The following KALRN variants were observed in gnomAD, a reference collection of about 807,000 sequenced individuals.
The protein encoded by KALRN is kalirin RhoGEF kinase.
Under a neutral mutation model 353.7 loss-of-function variants are expected in KALRN, and 70 were observed. The ratio of observed to expected loss-of-function variants is 0.20; its 90% CI spans 0.16 to 0.24. The LOEUF (loss-of-function observed/expected upper bound fraction) is 0.24, where lower values mean the gene tolerates loss of function less well. KALRN is among the 10% of genes least tolerant of loss of function. KALRN has a pLI of 1.00. For missense variants in KALRN, 2,791 were observed against 3,756.7 expected, an observed-to-expected ratio of 0.74 and a Z score of 6.72; for synonymous variants, 1,391 against 1,434.8, an observed-to-expected ratio of 0.97 and a Z score of 0.69.
At chr3:124,634,604 T>C (rs752723418) in intron 36 of KALRN, among the ~76,000 whole-genome samples, 4 of 152,176 alleles carry the variant, frequency 2.6e-5, no homozygotes, top group Non-Finnish European at 4.4e-5. Context: ...GAAGCGTAGG[T>C]TAGACGTGCT....
chr3:124,457,062 T>A (rs1335878365), intron 23 of KALRN, among the ~76,000 whole-genome samples: 1 of 73,924 alleles, frequency 1.4e-5, no homozygotes, highest in East Asian at 1.2e-3. Context: ...TGCCTTCTGA[T>A]TTTTTTTTTA....
At chr3:124,683,131 G>T (rs935007574) in intron 51 of KALRN, among the ~76,000 whole-genome samples, 2 of 152,200 alleles carry the variant, frequency 1.3e-5, no homozygotes, top group African/African-American at 4.8e-5. Flanking sequence ...CTACATGGAA[G>T]AAGAGTCAAA....
At chr3:124,069,709 A>G (rs918663336) in intron 1 of KALRN, among the ~76,000 whole-genome samples, 4 of 152,236 alleles carry the variant, frequency 2.6e-5, no homozygotes, top group African/African-American at 9.6e-5. Flanking sequence ...TTAATTTTTT[A>G]GCAGTGTTTA....
chr3:124,683,200 T>G (rs2061416395), intron 51 of KALRN, among the ~76,000 whole-genome samples: 1 of 152,184 alleles, frequency 6.6e-6, no homozygotes, highest in South Asian at 2.1e-4. Context: ...AATTCATTTT[T>G]TCCAGTAAGG....
At position 124,722,023 on chromosome 3, in the gene KALRN, C is replaced by G. The variant is rs2063363852; in HGVS notation, c.*2553C>G. On this transcript the variant is annotated 3_prime_UTR_variant, in exon 60 of 60. Coordinates refer to ENST00000682506, the MANE Select transcript of KALRN (RefSeq NM_001388419.1). ...GACAAACTGTAGGCTCTGAGGATTC[C>G]CAATATCCATAAAGTCCAGCTTGGC... is the stretch of plus-strand genomic sequence containing the variant. The G allele has an allele frequency of 6.6e-6, 1 of 152,194 alleles. No homozygotes were observed. Among genetic ancestry groups the G allele is most frequent in the Non-Finnish European group, 1.5e-5 (1 of 68,064 alleles). The allele number at this position is 152,194 out of a possible 1,614,324, so 9.4% of individuals were successfully genotyped here.
chr3:124,130,266 A>T (rs1369561475), intron 1 of KALRN, among the ~76,000 whole-genome samples: 2 of 152,184 alleles, frequency 1.3e-5, no homozygotes, highest in Non-Finnish European at 2.9e-5. Context: ...AGAGAGTGAA[A>T]TCCTTAGATA....
chr3:124,658,197 C>T (rs575347596), intron 41 of KALRN, among the ~76,000 whole-genome samples: 2 of 152,264 alleles, frequency 1.3e-5, no homozygotes, highest in African/African-American at 4.8e-5. Flanking sequence ...TCTGCTCTTC[C>T]TTGAGTGACC....
At chr3:124,071,230 T>C (rs914873509) in intron 1 of KALRN, among the ~76,000 whole-genome samples, 5 of 152,178 alleles carry the variant, frequency 3.3e-5, no homozygotes, top group African/African-American at 1.2e-4. Flanking sequence ...TGTAATGGTG[T>C]CATCCCATCC....
intron 34 of KALRN, among the ~76,000 whole-genome samples, chr3:124,575,293 G>A (rs1331702424): frequency 6.6e-6 from 1 of 152,190 alleles, no homozygotes; most frequent in Non-Finnish European, 1.5e-5. Flanking sequence ...TTGTACACAG[G>A]AGGGCGAACA....
chr3:124,335,730 G>A (rs921408738), intron 9 of KALRN, among the ~76,000 whole-genome samples: 3 of 152,174 alleles, frequency 2.0e-5, no homozygotes, highest in Non-Finnish European at 4.4e-5. Flanking sequence ...TCAAACACCT[G>A]TTTGACTTTT....
At chr3:124,624,743 A>C (rs2079737163) in intron 34 of KALRN, among the ~76,000 whole-genome samples, 1 of 152,204 alleles carries the variant, frequency 6.6e-6, no homozygotes, top group Non-Finnish European at 1.5e-5. Context: ...GTGCTGCTTA[A>C]ACTTCCAAAT....
chr3:124,249,165 A>G (rs116019851), intron 3 of KALRN, among the ~76,000 whole-genome samples: 1,747 of 152,332 alleles, frequency 0.011, 33 homozygotes, highest in African/African-American at 0.04. Context: ...CATACACACA[A>G]ACTCAGAGGG....
chr3:124,318,228 C>T (rs569917594), intron 6 of KALRN, among the ~76,000 whole-genome samples: 33 of 152,254 alleles, frequency 2.2e-4, no homozygotes, highest in African/African-American at 7.0e-4. Context: ...TGTCTCCATC[C>T]GGCAGTGACA....
intron 9 of KALRN, among the ~76,000 whole-genome samples, chr3:124,342,196 T>A (rs1367084690): frequency 1.4e-5 from 2 of 143,760 alleles, no homozygotes; most frequent in Non-Finnish European, 3.0e-5. Context: ...ATATACGGAG[T>A]CCAAGTATAA....
At chr3:124,135,521 A>G (rs2065826726) in intron 1 of KALRN, among the ~76,000 whole-genome samples, 2 of 152,182 alleles carry the variant, frequency 1.3e-5, no homozygotes, top group Admixed American at 6.5e-5. Flanking sequence ...CCGATAACTT[A>G]TGGAAAATAA....
At chr3:124,177,519 C>A (rs1211619125) in intron 1 of KALRN, among the ~76,000 whole-genome samples, 1 of 152,122 alleles carries the variant, frequency 6.6e-6, no homozygotes, top group African/African-American at 2.4e-5. Flanking sequence ...CTGAGGAAGC[C>A]CTGCAGTAGT....
intron 1 of KALRN, among the ~76,000 whole-genome samples, chr3:124,180,425 C>T (rs916495158): frequency 6.6e-6 from 1 of 152,104 alleles, no homozygotes; most frequent in African/African-American, 2.4e-5. Flanking sequence ...GTAGAATAAG[C>T]GACTCCTCTC....
chr3:124,540,756 C>T (rs1342625411), intron 33 of KALRN, among the ~76,000 whole-genome samples: 2 of 152,154 alleles, frequency 1.3e-5, no homozygotes, highest in African/African-American at 4.8e-5. Flanking sequence ...TTTGGCAGAT[C>T]TAGGGCCACT....
At chr3:124,401,703 A>C (rs2090898169) in intron 13 of KALRN, among the ~76,000 whole-genome samples, 1 of 152,032 alleles carries the variant, frequency 6.6e-6, no homozygotes, top group Non-Finnish European at 1.5e-5. Flanking sequence ...TAACGTCCGG[A>C]TTTTACAAGG....
Sources: allele counts gnomAD v4.1 joint callset (sites outside exome capture counted in the v4.1 genomes callset), GRCh38; gene constraint gnomAD v4.1.1; transcripts MANE v1.5; gene names NCBI Gene and HGNC (gene_info 2026-07-23, HGNC 2026-07-21).